CTNND2: variants seen among roughly 807,000 people sequenced by gnomAD.
The protein encoded by CTNND2 is catenin delta-2.
A neutral mutation model predicts 144.4 loss-of-function variants in CTNND2; 22 were observed. The observed-to-expected ratio is 0.15, with a 90% CI of 0.11 to 0.22. The LOEUF is 0.22. CTNND2 is among the 10% of genes least tolerant of loss of function. CTNND2 has a pLI of 1.00. For synonymous variants in CTNND2, 751 were observed against 695.6 expected, an observed-to-expected ratio of 1.08 and a Z score of -1.25; for missense variants, 1,353 against 1,618.8, an observed-to-expected ratio of 0.84 and a Z score of 2.82.
chr5:11,010,733 C>CGCAAGA (rs1485108124), intron 18 of CTNND2, among the ~76,000 whole-genome samples: 2 of 152,128 alleles, frequency 1.3e-5, no homozygotes, highest in African/African-American at 4.8e-5. Flanking sequence ...GTGCAATGGC[C>CGCAAGA]GCAAGAGCCA....
At chr5:11,612,332 C>A (rs1780371444) in intron 2 of CTNND2, among the ~76,000 whole-genome samples, 1 of 152,074 alleles carries the variant, frequency 6.6e-6, no homozygotes, top group Non-Finnish European at 1.5e-5. Context: ...TTTAAAGAAA[C>A]CAAAGTGTTG....
At chr5:11,594,079 A>G (rs1779387619) in intron 2 of CTNND2, among the ~76,000 whole-genome samples, 1 of 152,226 alleles carries the variant, frequency 6.6e-6, no homozygotes, top group Non-Finnish European at 1.5e-5. Context: ...CCACAAACTA[A>G]AAAATGTGCA....
At chr5:11,130,222 T>C (rs920087594) in intron 12 of CTNND2, among the ~76,000 whole-genome samples, 1 of 152,024 alleles carries the variant, frequency 6.6e-6, no homozygotes, top group Non-Finnish European at 1.5e-5. Context: ...CCACTGTTGT[T>C]CTGTGCCCAA....
intron 2 of CTNND2, among the ~76,000 whole-genome samples, chr5:11,591,397 A>G (rs1779231275): frequency 6.6e-6 from 1 of 152,334 alleles, no homozygotes; most frequent in African/African-American, 2.4e-5. Context: ...TGTAAAAATA[A>G]CAACCCATAC....
intron 3 of CTNND2, among the ~76,000 whole-genome samples, chr5:11,523,846 G>A (rs1772976760): frequency 6.6e-6 from 1 of 152,130 alleles, no homozygotes; most frequent in Non-Finnish European, 1.5e-5. Context: ...TTACAACAAT[G>A]AGCCCATGTT....
intron 1 of CTNND2, among the ~76,000 whole-genome samples, chr5:11,834,372 A>G (rs1422241408): frequency 6.6e-6 from 1 of 152,214 alleles, no homozygotes; most frequent in Non-Finnish European, 1.5e-5. Flanking sequence ...CCTAGATAAC[A>G]TAACATGCCA....
At chr5:11,449,008 ATT>A (rs879926234) in intron 3 of CTNND2, among the ~76,000 whole-genome samples, 3 of 145,646 alleles carry the variant, frequency 2.1e-5, no homozygotes, top group African/African-American at 2.5e-5. Context: ...TGGCCTCAGA[ATT>A]TTTTTTTTTT....
intron 1 of CTNND2, among the ~76,000 whole-genome samples, chr5:11,813,322 T>C (rs528915269): frequency 1.3e-5 from 2 of 152,126 alleles, no homozygotes. Context: ...TCAGAACGTA[T>C]CCCAGTCATT....
At chr5:11,633,806 T>C (rs996527217) in intron 2 of CTNND2, among the ~76,000 whole-genome samples, 1 of 151,744 alleles carries the variant, frequency 6.6e-6, no homozygotes, top group Non-Finnish European at 1.5e-5. Context: ...TACAACTTGA[T>C]AGAAACGTAG....
intron 2 of CTNND2, among the ~76,000 whole-genome samples, chr5:11,570,503 T>C (rs1358581342): frequency 6.6e-6 from 1 of 152,218 alleles, no homozygotes; most frequent in Non-Finnish European, 1.5e-5. Context: ...TAATAGGACT[T>C]AGTAAAGAAA....
At chr5:11,879,755 A>G (rs1421087651) in intron 1 of CTNND2, among the ~76,000 whole-genome samples, 1 of 152,150 alleles carries the variant, frequency 6.6e-6, no homozygotes, top group Non-Finnish European at 1.5e-5. Context: ...CCAATTCTCA[A>G]AGTACACAAA....
rs7707513 is a variant in CTNND2, at chr5:11,416,378, A to G, written c.288-4309T>C. 2.9e-3 allele frequency among the ~76,000 whole-genome samples: 446 copies of G among 152,338 alleles called. 2 individuals are homozygous for G. Among genetic ancestry groups the G allele is most frequent in the African/African-American group, 9.2e-3 (384 of 41,584 alleles). On this transcript the variant is annotated intron_variant, in intron 3 of 21. Coordinates refer to ENST00000304623, the MANE Select transcript of CTNND2 (RefSeq NM_001332.4). ...CAGGCAACTTCCTTTTGGGCAGACA[A>G]AAAGCACTAATCACTTCAATGGTTT...
intron 2 of CTNND2, among the ~76,000 whole-genome samples, chr5:11,694,379 G>A (rs1175904302): frequency 5.3e-5 from 8 of 151,268 alleles, no homozygotes; most frequent in Admixed American, 5.3e-4. Flanking sequence ...AGCTTGCAGT[G>A]AGCCGAGATT....
chr5:11,551,655 A>G (rs1581476216), intron 3 of CTNND2, among the ~76,000 whole-genome samples: 1 of 151,572 alleles, frequency 6.6e-6, no homozygotes, highest in Non-Finnish European at 1.5e-5. Flanking sequence ...CTGGAGTGCA[A>G]TGGTGCGATC....
rs529683985 is a variant in CTNND2 at position 11,061,033 on chromosome 5, G to A, written c.2788+21663C>T. On this transcript the variant is annotated intron_variant, in intron 16 of 21. Coordinates refer to ENST00000304623, the MANE Select transcript of CTNND2 (RefSeq NM_001332.4). ...TCCTGAGCTCTAAATGAATATTGTC[G>A]GCTTTCTACGTGGCATGTCCCCTTT... is the stretch of plus-strand genomic sequence containing the variant. Among the ~76,000 whole-genome samples, 14 of 151,890 alleles carry A rather than the reference G, an allele frequency of 9.2e-5. No individual in the cohort carries two copies. In the East Asian group the frequency reaches 2.5e-3, roughly 27 times the overall value.
intron 1 of CTNND2, among the ~76,000 whole-genome samples, chr5:11,747,571 A>C (rs1431759888): frequency 6.6e-6 from 1 of 152,148 alleles, no homozygotes; most frequent in Non-Finnish European, 1.5e-5. Flanking sequence ...TGTGCAAGAC[A>C]CTGAATAAAA....
At chr5:11,703,686 G>A (rs1385568164) in intron 2 of CTNND2, among the ~76,000 whole-genome samples, 1 of 152,190 alleles carries the variant, frequency 6.6e-6, no homozygotes, top group African/African-American at 2.4e-5. Flanking sequence ...CAGTATTACT[G>A]TATTTAGTAA....
At chr5:11,134,188 G>A (rs773034415) in intron 12 of CTNND2, among the ~76,000 whole-genome samples, 10 of 152,146 alleles carry the variant, frequency 6.6e-5, no homozygotes, top group South Asian at 4.1e-4. Flanking sequence ...TGGCTTTAAG[G>A]ATGAAGGAAG....
chr5:11,448,217 T>C (rs145367948), intron 3 of CTNND2, among the ~76,000 whole-genome samples: 1 of 152,340 alleles, frequency 6.6e-6, no homozygotes, highest in East Asian at 1.9e-4. Context: ...AATGAGAATG[T>C]GTAACTTTGG....
Sources: gnomAD v4.1 joint callset for allele counts (sites outside exome capture counted in the v4.1 genomes callset) on GRCh38, gnomAD v4.1.1 for gene constraint, MANE v1.5 for transcripts, NCBI Gene and HGNC (gene_info 2026-07-23, HGNC 2026-07-21) for gene names.